INPP5B: variants seen among roughly 807,000 people sequenced by gnomAD.
The protein encoded by INPP5B is inositol polyphosphate-5-phosphatase B, also known as type II inositol 1,4,5-trisphosphate 5-phosphatase.
INPP5B carries 90 observed loss-of-function variants against 118.5 expected under a neutral mutation model. The ratio of observed to expected loss-of-function variants is 0.76; its 90% CI spans 0.64 to 0.90. INPP5B has a LOEUF of 0.90. Among genes scored for constraint, INPP5B ranks in the 40% least tolerant of loss-of-function variants. The pLI, the probability that INPP5B is intolerant of heterozygous loss-of-function variation, is 0.00. For missense variants in INPP5B, 984 were observed against 1,125.6 expected (o/e 0.87, Z 1.80); for synonymous variants, 385 against 418.9 (o/e 0.92, Z 0.99).
intron 7 of INPP5B, among the ~76,000 whole-genome samples, chr1:37,896,201 C>A (rs1194009174): frequency 1.3e-5 from 2 of 150,200 alleles, no homozygotes; most frequent in Admixed American, 6.6e-5. Context: ...TCTGCCCGGC[C>A]GCCCCGTCTG....
intron 14 of INPP5B, 63 bp from the exon 15 acceptor site, chr1:37,880,257 G>T (rs893520177): frequency 5.0e-6 from 6 of 1,209,264 alleles, no homozygotes; most frequent in Non-Finnish European, 7.3e-6. Flanking sequence ...TGAATTAGTG[G>T]AGAAAAGCAT....
At chr1:37,936,954 T>A (rs1281831218) in intron 6 of INPP5B, among the ~76,000 whole-genome samples, 4 of 152,038 alleles carry the variant, frequency 2.6e-5, no homozygotes, top group Non-Finnish European at 4.4e-5. Flanking sequence ...TCTCTGAGCC[T>A]CAGTTTCCTC....
At chr1:37,876,581 A>G (rs1175425481) in intron 16 of INPP5B, among the ~76,000 whole-genome samples, 233 of 133,292 alleles carry the variant, frequency 1.7e-3, no homozygotes, top group Non-Finnish European at 2.8e-3. Context: ...AAAAAAAAAA[A>G]GGGCCCGGTG....
chr1:37,939,012 G>A (rs1419502658), intron 6 of INPP5B, among the ~76,000 whole-genome samples: 1 of 152,044 alleles, frequency 6.6e-6, no homozygotes, highest in African/African-American at 2.4e-5. Context: ...TGGCCAACAT[G>A]ATGAAACCGT....
intron 6 of INPP5B, among the ~76,000 whole-genome samples, chr1:37,934,543 C>A (rs770755666): frequency 2.0e-5 from 3 of 152,142 alleles, no homozygotes; most frequent in Admixed American, 6.6e-5. Flanking sequence ...GTGGAAAAAA[C>A]CTAGTTCCTT....
chr1:37,872,868 T>A (rs1169020159), intron 19 of INPP5B, 62 bp downstream of exon 19: 8 of 1,282,484 alleles, frequency 6.2e-6, no homozygotes, highest in Non-Finnish European at 7.8e-6. Flanking sequence ...CATAGGAATA[T>A]CTTGTTTGAC....
intron 7 of INPP5B, among the ~76,000 whole-genome samples, chr1:37,896,830 G>A (rs1295770840): frequency 9.7e-5 from 13 of 133,950 alleles, no homozygotes; most frequent in Admixed American, 1.4e-4. Context: ...GGTGAGGGGC[G>A]CCTCTGCCTA....
intron 13 of INPP5B, 152 bp from the exon 14 acceptor site, chr1:37,883,070 A>G (rs778105420): frequency 7.0e-7 from 1 of 1,435,354 alleles, no homozygotes; most frequent in Non-Finnish European, 9.1e-7. Flanking sequence ...TTCTCTCGCC[A>G]TCCCATTTAA....
chr1:37,931,428 T>TA, intron 7 of INPP5B: 1 of 1,520,246 alleles, frequency 6.6e-7, no homozygotes, highest in Non-Finnish European at 8.8e-7. Flanking sequence ...AACGGAGCTT[T>TA]ACTAAAACCC....
chr1:37,868,345 C>T (rs1362638356), intron 20 of INPP5B, among the ~76,000 whole-genome samples, 156 bp downstream of exon 20: 2 of 151,514 alleles, frequency 1.3e-5, no homozygotes, highest in Non-Finnish European at 2.9e-5. Flanking sequence ...AGCAGGGTCT[C>T]CCAGGAGTGT....
intron 19 of INPP5B, among the ~76,000 whole-genome samples, chr1:37,872,370 CAAAA>C (rs371968500): frequency 9.8e-6 from 1 of 102,124 alleles, no homozygotes; most frequent in Admixed American, 1.2e-4. Context: ...AACTCCGTCT[CAAAA>C]AAAAAAAAAA....
At chr1:37,925,019 CAA>C (rs957577624) in intron 7 of INPP5B, among the ~76,000 whole-genome samples, 2 of 152,170 alleles carry the variant, frequency 1.3e-5, no homozygotes, top group East Asian at 3.9e-4. Context: ...ACTGAAAATA[CAA>C]AGAGTAGCCA....
At chr1:37,899,809 G>A (rs1278075688) in intron 7 of INPP5B, among the ~76,000 whole-genome samples, 1 of 151,556 alleles carries the variant, frequency 6.6e-6, no homozygotes, top group Non-Finnish European at 1.5e-5. Flanking sequence ...CGCCTGCCGG[G>A]TTCACGCCAT....
intron 7 of INPP5B, 126 bp downstream of exon 7, chr1:37,931,787 C>G (rs1645480905): frequency 2.5e-6 from 4 of 1,606,044 alleles, no homozygotes; most frequent in Non-Finnish European, 3.4e-6. Flanking sequence ...AACCCGCCCC[C>G]GTGTGCCCGC....
At chr1:37,911,383 C>G (rs1644693140) in intron 7 of INPP5B, among the ~76,000 whole-genome samples, 1 of 152,196 alleles carries the variant, frequency 6.6e-6, no homozygotes, top group Non-Finnish European at 1.5e-5. Context: ...CACACCTGAT[C>G]CCCATGACTG....
chr1:37,924,116 A>G (rs149415130), intron 7 of INPP5B, among the ~76,000 whole-genome samples: 103 of 151,372 alleles, frequency 6.8e-4, no homozygotes, highest in East Asian at 3.1e-3. Flanking sequence ...CCTAGGATAG[A>G]CCCTGAAGAC....
At chr1:37,905,620 G>A (rs559022697) in intron 7 of INPP5B, among the ~76,000 whole-genome samples, 1 of 152,174 alleles carries the variant, frequency 6.6e-6, no homozygotes, top group Non-Finnish European at 1.5e-5. Context: ...GACAACTGTT[G>A]TCTTGTTTTA....
chr1:37,918,864 C>T (rs1214548122), intron 7 of INPP5B, among the ~76,000 whole-genome samples: 1 of 152,176 alleles, frequency 6.6e-6, no homozygotes, highest in Non-Finnish European at 1.5e-5. Context: ...CTCCTAATCC[C>T]CCACTGCTTT....
intron 12 of INPP5B, among the ~76,000 whole-genome samples, chr1:37,886,094 T>C (rs1265748679): frequency 6.6e-6 from 1 of 151,804 alleles, no homozygotes; most frequent in Non-Finnish European, 1.5e-5. Flanking sequence ...AGAGCACTGG[T>C]TGAACGCGGG....
Sources: gnomAD v4.1 joint callset for allele counts (sites outside exome capture counted in the v4.1 genomes callset) on GRCh38, gnomAD v4.1.1 for gene constraint, MANE v1.5 for transcripts, NCBI Gene and HGNC (gene_info 2026-07-23, HGNC 2026-07-21) for gene names.